Variants in NUP210 observed in about 807,000 individuals in gnomAD.
NUP210 encodes the protein nuclear pore membrane glycoprotein 210.
In NUP210, 151 loss-of-function variants were observed where a neutral mutation model predicts 196.0. That is an observed-to-expected ratio of 0.77 (90% confidence interval 0.67 to 0.88). NUP210 has a LOEUF of 0.88. Ranked by LOEUF, NUP210 falls within the 40% of genes least tolerant of loss-of-function variation. The pLI is 0.00. For missense variants in NUP210, 2,314 were observed against 2,493.7 expected, an observed-to-expected ratio of 0.93 and a Z score of 1.53; for synonymous variants, 1,070 against 1,052.7, an observed-to-expected ratio of 1.02 and a Z score of -0.32.
chr3:13,405,543 T>A (rs1699978469), intron 1 of NUP210, among the ~76,000 whole-genome samples: 2 of 152,178 alleles, frequency 1.3e-5, no homozygotes, highest in Admixed American at 6.5e-5. Flanking sequence ...ATATAGCCTA[T>A]TGAATATATG....
intron 1 of NUP210, among the ~76,000 whole-genome samples, chr3:13,416,629 C>T (rs985721872): frequency 6.6e-6 from 1 of 152,220 alleles, no homozygotes; most frequent in African/African-American, 2.4e-5. Flanking sequence ...TCCAAGACAG[C>T]GCCCCCTTGC....
intron 1 of NUP210, 94 bp from the exon 2 acceptor site, chr3:13,399,955 A>G: frequency 7.0e-7 from 1 of 1,423,482 alleles, no homozygotes; most frequent in Non-Finnish European, 9.5e-7. Context: ...TCTAGGGCGC[A>G]GTCCTGGACC....
chr3:13,373,806 T>G lies in NUP210; in HGVS notation c.1499A>C (p.Lys500Thr). 1 of 1,614,132 alleles carries G rather than the reference T, an allele frequency of 6.2e-7. No individual in the cohort carries two copies. The highest frequency in any genetic ancestry group is 8.5e-7 in the Non-Finnish European group (1 of 1,179,998). ...GTCACTGCCTGTGGTCATCACGCCC[T>G]TGACAGTAACTGTGGCAACCAGGTG... ...SSHLVATVTV[K>T]GVMTTGSDIG... The change falls in exon 12 of 40, where the codon AAG becomes ACG. Residue 500 changes from lysine (K) to threonine (T), a missense_variant. Lys to Thr is a moderately conservative substitution (Grantham distance 78). Transcript: ENST00000254508.
rs1392846868 is a variant in NUP210 at position 13,321,660 on chromosome 3, T to A, written c.5091A>T (p.Glu1697Asp). Reference sequence around the variant, plus strand: ...TGGTGTAGTGGTTGCTCAAAAGGATTTCAGCCTGGTCGGCGAAGAGACCTG... The same window carrying A: ...TGGTGTAGTGGTTGCTCAAAAGGATATCAGCCTGGTCGGCGAAGAGACCTG... ...FSPGLFADQA[E>D]ILLSNHYTSS... Residue 1697 changes from glutamate to aspartate, a missense_variant, in exon 36 of 40, where the codon GAA becomes GAT. By Grantham distance (45) the Glu-to-Asp change is conservative (BLOSUM62 2). Coordinates refer to ENST00000254508, the MANE Select transcript of NUP210 (RefSeq NM_024923.4). The A allele has an allele frequency of 6.2e-7, 1 of 1,614,102 alleles. No individual in the cohort carries two copies. Among genetic ancestry groups the A allele is most frequent in the Non-Finnish European group, 8.5e-7 (1 of 1,180,016 alleles).
Position 13,322,423 on chromosome 3 carries a change from G to A in NUP210, c.4769-84C>T, listed in dbSNP as rs1185994402. 8 of 1,472,132 alleles carry A rather than the reference G, an allele frequency of 5.4e-6. No individual in the cohort carries two copies. The South Asian group carries it at 9.8e-5, about 18-fold the overall frequency. The allele number at this position is 1,472,132 out of a possible 1,614,324, so 91.2% of individuals were successfully genotyped here. On this transcript the variant is annotated intron_variant, in intron 34 of 39. Transcript: ENST00000254508. ...CCACCAGGCCTGCACAGGCTGGCTG[G>A]GCTGCAAATGCCACCTGCCCCTGCA...
At chr3:13,401,259 CAAAAAA>C (rs71066952) in intron 1 of NUP210, among the ~76,000 whole-genome samples, 11 of 43,846 alleles carry the variant, frequency 2.5e-4, no homozygotes, top group East Asian at 7.6e-4. Flanking sequence ...GACTCTGGCT[CAAAAAA>C]AAAAAAAAAA....
In NUP210 at chr3:13,366,062, T is replaced by G. The variant is rs768490464; in HGVS notation, c.1816A>C (p.Ser606Arg). ...GCCTCGGCCTTTACCCGGATGCCGCTGCAGTGCTCAGAGCCTGGCGGCAGC... is the reference window on the plus strand; with the variant it reads ...GCCTCGGCCTTTACCCGGATGCCGCGGCAGTGCTCAGAGCCTGGCGGCAGC... ...GRLPPGSEHC[S>R]GIRVKAEAQG... Residue 606 changes from serine (S) to arginine (R), a missense_variant, in exon 14 of 40, where the codon AGC becomes CGC. Coordinates refer to ENST00000254508, the MANE Select transcript of NUP210 (RefSeq NM_024923.4). 3.1e-6 allele frequency: 5 copies of G among 1,614,036 alleles called. No homozygotes were observed. The highest frequency in any genetic ancestry group is 1.3e-5 in the African/African-American group (1 of 74,942).
At position 13,321,310 on chromosome 3, in the gene NUP210, A is replaced by G. The variant is rs953783518; in HGVS notation, c.5166+275T>C. 5.3e-5 allele frequency among the ~76,000 whole-genome samples: 8 copies of G among 152,224 alleles called. No individual in the cohort carries two copies. The South Asian group carries it at 6.2e-4, about 12-fold the overall frequency. ...TGCCACGCACCACACGCTCACTGGC[A>G]CCTTTTCTGGGGTTCTCACTGCTGC... On this transcript the variant is annotated intron_variant, in intron 36 of 39. Transcript: ENST00000254508.
chr3:13,365,100 CAG>C (rs1698486255), intron 14 of NUP210, among the ~76,000 whole-genome samples: 2 of 152,212 alleles, frequency 1.3e-5, no homozygotes, highest in Admixed American at 1.3e-4. Flanking sequence ...GCAAGCTAGG[CAG>C]AGTTCAAAGA....
intron 5 of NUP210, among the ~76,000 whole-genome samples, chr3:13,387,987 G>A (rs780956405): frequency 6.6e-5 from 10 of 152,060 alleles, no homozygotes; most frequent in Non-Finnish European, 1.3e-4. Flanking sequence ...ATACCAGCAC[G>A]GTGGGGGCAC....
At chr3:13,321,496 A>C in intron 36 of NUP210, 89 bp downstream of exon 36, 1 of 1,383,328 alleles carries the variant, frequency 7.2e-7, no homozygotes, top group East Asian at 2.3e-5. Context: ...GAGCTGGCCC[A>C]GGACATCCAC....
At position 13,351,892 on chromosome 3, in the gene NUP210, C is replaced by G; in HGVS notation, c.2822G>C (p.Arg941Thr). The G allele has an allele frequency of 2.5e-6, 4 of 1,611,348 alleles. No homozygotes were observed. The highest frequency in any genetic ancestry group is 1.1e-5 in the South Asian group (1 of 90,992). ...GCCCAAGCTTACCATGGCGACACCCCTGGCCTCCTGGTAGGCCACCTTGAC... is the reference window on the plus strand; with the variant it reads ...GCCCAAGCTTACCATGGCGACACCCGTGGCCTCCTGGTAGGCCACCTTGAC... ...DVVKVAYQEA[R>T]GVAMVHPLLP... The change falls in exon 20 of 40, where the codon AGG (arginine) becomes ACG (threonine). Residue 941 changes from arginine to threonine, a missense_variant. Transcript: ENST00000254508.
At position 13,319,795 on chromosome 3, in the gene NUP210, G is replaced by C; in HGVS notation, c.5351C>G (p.Ala1784Gly). Reference sequence around the variant, plus strand: ...GGGCCCACGGCGATCCACCACAAAAGCCACTGTCACTGGGATGGCAATGGC... The same window carrying C: ...GGGCCCACGGCGATCCACCACAAAACCCACTGTCACTGGGATGGCAATGGC... The part of the protein sequence containing the change: ...NQAIAIPVTV[A>G]FVVDRRGPGP... The change falls in exon 37 of 40, where the codon GCT becomes GGT. Residue 1784 changes from alanine (A) to glycine (G), a missense_variant. Transcript: ENST00000254508. 6.2e-7 allele frequency: 1 copy of C among 1,614,194 alleles called. No individual in the cohort carries two copies. The highest frequency in any genetic ancestry group is 1.1e-5 in the South Asian group (1 of 91,084).
rs945849069 is a variant in NUP210 at position 13,388,435 on chromosome 3, C to T, written c.552G>A (p.Glu184=). 12 of 1,600,872 alleles carry T rather than the reference C, an allele frequency of 7.5e-6. 1 individual carries two copies. The highest frequency in any genetic ancestry group is 8.5e-6 in the Non-Finnish European group (10 of 1,175,876). The part of the protein sequence containing the change: ...HNALRILTFL[E]STYIPPSYIS... ...TGTAAGAAGGAGGGATGTACGTAGA[C>T]TCCAAGAAAGTGAGGATTCTGGAAA... The change falls in exon 5 of 40, where the codon GAG becomes GAA. Residue 184 remains glutamate (E), a synonymous_variant. Transcript: ENST00000254508.
intron 14 of NUP210, among the ~76,000 whole-genome samples, chr3:13,361,448 T>A (rs1439320590): frequency 6.6e-6 from 1 of 152,132 alleles, no homozygotes; most frequent in East Asian, 1.9e-4. Flanking sequence ...TTAGATTCTA[T>A]GTAACAGGGT....
chr3:13,408,074 C>T (rs1241405309), intron 1 of NUP210, among the ~76,000 whole-genome samples: 1 of 152,164 alleles, frequency 6.6e-6, no homozygotes, highest in Non-Finnish European at 1.5e-5. Context: ...ACTTTAAGGA[C>T]AGGCAGGCAT....
chr3:13,394,601 T>C (rs1177750196), intron 3 of NUP210, among the ~76,000 whole-genome samples: 2 of 152,186 alleles, frequency 1.3e-5, no homozygotes, highest in Admixed American at 6.5e-5. Flanking sequence ...TGTGTGACCA[T>C]GGGCAAGTTA....
chr3:13,397,414 C>T lies in NUP210; in HGVS notation c.379G>A (p.Glu127Lys). 3 of 1,612,918 alleles carry T rather than the reference C, an allele frequency of 1.9e-6. No homozygotes were observed. Among genetic ancestry groups the T allele is most frequent in the South Asian group, 1.1e-5 (1 of 90,914 alleles). The change falls in exon 3 of 40, where the codon GAG becomes AAG. Residue 127 changes from glutamate (E) to lysine (K), a missense_variant. Coordinates refer to ENST00000254508, the MANE Select transcript of NUP210 (RefSeq NM_024923.4). Reference sequence around the variant, plus strand: ...AGGGGGGAGTCCTCCAGGTAGAGCTCGCGGGTGGTGGAGACGATCTGGATG... The same window carrying T: ...AGGGGGGAGTCCTCCAGGTAGAGCTTGCGGGTGGTGGAGACGATCTGGATG... ...HDIQIVSTTR[E>K]LYLEDSPLEL...
At position 13,319,267 on chromosome 3, in the gene NUP210, G is replaced by T; in HGVS notation, c.5442C>A (p.Leu1814=). 3 of 1,613,412 alleles carry T rather than the reference G, an allele frequency of 1.9e-6. No individual in the cohort carries two copies. The highest frequency in any genetic ancestry group is 1.7e-6 in the Non-Finnish European group (2 of 1,179,686). The change falls in exon 38 of 40, where the codon CTC becomes CTA. Residue 1814 remains leucine, a synonymous_variant. Transcript: ENST00000254508. Reference sequence around the variant, plus strand: ...CCGCTGTCCCAGCCAACAGGGCGAAGAGCGTGAAGAACATGACCTGGTAGG... The same window carrying T: ...CCGCTGTCCCAGCCAACAGGGCGAATAGCGTGAAGAACATGACCTGGTAGG... ...LDSYQVMFFT[L]FALLAGTAVM...
Sources: allele counts gnomAD v4.1 joint callset (sites outside exome capture counted in the v4.1 genomes callset), GRCh38; gene constraint gnomAD v4.1.1; transcripts MANE v1.5; gene names NCBI Gene and HGNC (gene_info 2026-07-23, HGNC 2026-07-21).